NAV2: variants seen among roughly 807,000 people sequenced by gnomAD.
NAV2 encodes helicase, APC down-regulated 1.
In NAV2, 54 loss-of-function variants were observed where a neutral mutation model predicts 223.2. That is an observed-to-expected ratio of 0.24 (90% CI 0.19 to 0.30). The LOEUF (loss-of-function observed/expected upper bound fraction) is 0.30. Among genes scored for constraint, NAV2 ranks in the 10% least tolerant of loss-of-function variants. NAV2 has a pLI of 1.00. For missense variants in NAV2, 2,806 were observed against 3,147.5 expected, an observed-to-expected ratio of 0.89 and a Z score of 2.60; for synonymous variants, 1,279 against 1,239.3, an observed-to-expected ratio of 1.03 and a Z score of -0.67.
At chr11:19,700,894 G>A (rs1291968840) in intron 1 of NAV2, among the ~76,000 whole-genome samples, 1 of 152,188 alleles carries the variant, frequency 6.6e-6, no homozygotes, top group East Asian at 1.9e-4. Context: ...ATGTTGCCCA[G>A]CATTTGGTAG....
chr11:19,488,207 C>T (rs1400120534), intron 1 of NAV2, among the ~76,000 whole-genome samples: 1 of 152,182 alleles, frequency 6.6e-6, no homozygotes, highest in Non-Finnish European at 1.5e-5. Context: ...TCTGGGACCA[C>T]TGCCCTCCTC....
chr11:19,804,983 G>A (rs1194757262), intron 1 of NAV2, among the ~76,000 whole-genome samples: 1 of 152,190 alleles, frequency 6.6e-6, no homozygotes, highest in Non-Finnish European at 1.5e-5. Flanking sequence ...GGGCTGAAGT[G>A]AAAGGGAGGA....
intron 7 of NAV2, among the ~76,000 whole-genome samples, chr11:19,938,446 G>A (rs1421793640): frequency 6.6e-6 from 1 of 152,224 alleles, no homozygotes; most frequent in Non-Finnish European, 1.5e-5. Flanking sequence ...CCAGCAGGTG[G>A]CGATCTGCAA....
chr11:19,827,306 C>G (rs2059688740), intron 1 of NAV2, among the ~76,000 whole-genome samples: 1 of 152,152 alleles, frequency 6.6e-6, no homozygotes, highest in Admixed American at 6.5e-5. Flanking sequence ...CCACAGGTCA[C>G]TCGGTCACAA....
intron 1 of NAV2, among the ~76,000 whole-genome samples, chr11:19,522,083 T>C (rs972623651): frequency 3.3e-5 from 5 of 152,148 alleles, no homozygotes; most frequent in Non-Finnish European, 5.9e-5. Context: ...GCCTGCTACA[T>C]AGAGAGGTCA....
chr11:20,093,150 G>T lies in NAV2; in HGVS notation c.5867G>T (p.Arg1956Met). ...TGCTCGGCTCGGAAGGAAGGAGGCA[G>T]GCATGTTAAGATAGTTGTCAGCTTT... ...GECSARKEGG[R>M]HVKIVVSFQE... Residue 1956 changes from arginine to methionine, a missense_variant, in exon 29 of 38, where the codon AGG (arginine) becomes ATG (methionine). Transcript: ENST00000349880. The T allele has an allele frequency of 6.2e-7, 1 of 1,614,124 alleles. No individual in the cohort carries two copies. Among genetic ancestry groups the T allele is most frequent in the Non-Finnish European group, 8.5e-7 (1 of 1,180,012 alleles).
intron 1 of NAV2, among the ~76,000 whole-genome samples, chr11:19,381,323 GCA>G (rs1212230993): frequency 6.6e-6 from 1 of 152,152 alleles, no homozygotes; most frequent in Non-Finnish European, 1.5e-5. Context: ...CTGGACCCTA[GCA>G]CAGTCACTGG....
chr11:19,612,979 G>A (rs1348890359), intron 1 of NAV2, among the ~76,000 whole-genome samples: 1 of 152,178 alleles, frequency 6.6e-6, no homozygotes, highest in Non-Finnish European at 1.5e-5. Context: ...TGGGTGGGGA[G>A]GCCTCAGAAT....
intron 35 of NAV2, chr11:20,107,442 C>T: frequency 1.8e-6 from 1 of 569,584 alleles, no homozygotes; most frequent in Admixed American, 2.8e-5. Flanking sequence ...CCCCATAAAG[C>T]CTTTCCTGGA....
intron 26 of NAV2, among the ~76,000 whole-genome samples, chr11:20,088,553 C>A (rs2060608656): frequency 6.6e-6 from 1 of 152,158 alleles, no homozygotes; most frequent in South Asian, 2.1e-4. Context: ...TTTCTGAGAG[C>A]TGGCTGATTC....
chr11:19,363,155 T>G (rs1040620423), intron 1 of NAV2, among the ~76,000 whole-genome samples: 3 of 151,856 alleles, frequency 2.0e-5, no homozygotes, highest in Non-Finnish European at 2.9e-5. Context: ...CGACAGGCCC[T>G]GGTGTGTGAT....
intron 36 of NAV2, among the ~76,000 whole-genome samples, chr11:20,112,974 C>T (rs554464515): frequency 4.6e-5 from 7 of 152,322 alleles, no homozygotes; most frequent in South Asian, 4.1e-4. Flanking sequence ...GACAGACAGC[C>T]GTGGCCACCC....
At chr11:19,518,809 A>G (rs561968533) in intron 1 of NAV2, among the ~76,000 whole-genome samples, 1 of 152,292 alleles carries the variant, frequency 6.6e-6, no homozygotes, top group Non-Finnish European at 1.5e-5. Flanking sequence ...CAAAATTCCT[A>G]TGCTGAAATC....
chr11:19,490,450 T>A (rs2042587982), intron 1 of NAV2, among the ~76,000 whole-genome samples: 1 of 152,214 alleles, frequency 6.6e-6, no homozygotes, highest in Non-Finnish European at 1.5e-5. Context: ...TTGTTGGAAT[T>A]TCAGTAACGT....
At chr11:19,783,106 T>A (rs1050231489) in intron 1 of NAV2, among the ~76,000 whole-genome samples, 2 of 152,212 alleles carry the variant, frequency 1.3e-5, no homozygotes. Context: ...AGCTCCAGTA[T>A]GTTTACTGGG....
chr11:19,729,986 A>G (rs1590207790), intron 1 of NAV2, among the ~76,000 whole-genome samples: 1 of 152,318 alleles, frequency 6.6e-6, no homozygotes, highest in East Asian at 1.9e-4. Context: ...CCTCCACCTT[A>G]GGAGGTAGAT....
chr11:19,986,922 C>T (rs1392464218), intron 11 of NAV2, among the ~76,000 whole-genome samples: 2 of 152,192 alleles, frequency 1.3e-5, no homozygotes, highest in South Asian at 2.1e-4. Context: ...CATGTAGTTA[C>T]AAAATCTATA....
intron 4 of NAV2, among the ~76,000 whole-genome samples, chr11:19,875,373 A>G (rs1305415279): frequency 6.6e-6 from 1 of 152,260 alleles, no homozygotes; most frequent in Non-Finnish European, 1.5e-5. Flanking sequence ...AGCCTGTGTT[A>G]TAATAAGGTG....
intron 25 of NAV2, among the ~76,000 whole-genome samples, chr11:20,081,888 A>C (rs1217117243): frequency 6.6e-6 from 1 of 152,204 alleles, no homozygotes; most frequent in Non-Finnish European, 1.5e-5. Flanking sequence ...GAAAAATCTG[A>C]TTATGGCTTT....
Sources: allele counts gnomAD v4.1 joint callset (sites outside exome capture counted in the v4.1 genomes callset), GRCh38; gene constraint gnomAD v4.1.1; transcripts MANE v1.5; gene names NCBI Gene and HGNC (gene_info 2026-07-23, HGNC 2026-07-21).